P3H1: variants seen among roughly 807,000 people sequenced by gnomAD.
P3H1 encodes the protein prolyl 3-hydroxylase 1.
Under a neutral mutation model 84.0 loss-of-function variants are expected in P3H1, and 69 were observed. That is an observed-to-expected ratio of 0.82 (90% CI 0.68 to 1.00). The LOEUF (loss-of-function observed/expected upper bound fraction) is 1.00, where lower values mean the gene tolerates loss of function less well. Among genes scored for constraint, P3H1 ranks in the 50% least tolerant of loss-of-function variants. The pLI is 0.00. For missense variants in P3H1, 878 were observed against 962.8 expected (o/e 0.91, Z 1.17); for synonymous variants, 366 against 388.8 (o/e 0.94, Z 0.69).
rs1363331766 is a variant in P3H1, at chr1:42,746,504, C to T, written c.*193G>A. 1.6e-6 allele frequency: 1 copy of T among 613,746 alleles called. No homozygotes were observed. Among genetic ancestry groups the T allele is most frequent in the Non-Finnish European group, 2.9e-6 (1 of 346,480 alleles). 38.0% of individuals were successfully genotyped at this position (613,746 alleles called of 1,614,324 possible). On this transcript the variant is annotated 3_prime_UTR_variant, in exon 15 of 15. Coordinates refer to ENST00000296388, the MANE Select transcript of P3H1 (RefSeq NM_022356.4). ...CTGTGTCCTGAGCCCTCAGCCAGAT[C>T]CAGGGGGTGCGGTGTCTGGTCATGT... is the stretch of plus-strand genomic sequence containing the variant.
chr1:42,763,639 T>G (rs1652835370), intron 1 of P3H1, among the ~76,000 whole-genome samples: 1 of 111,618 alleles, frequency 9.0e-6, no homozygotes, highest in African/African-American at 3.6e-5. Context: ...AGCACCATAC[T>G]CCAGCCTGGG....
At chr1:42,756,385 C>A (rs371204899) in intron 5 of P3H1, 1 of 154,258 alleles carries the variant, frequency 6.5e-6, no homozygotes, top group East Asian at 1.9e-4. Context: ...CACATGGACT[C>A]CCAGGCAAGG....
At position 42,750,243 on chromosome 1, in the gene P3H1, G is replaced by A; in HGVS notation, c.1663C>T (p.Leu555=). The A allele has an allele frequency of 6.2e-7, 1 of 1,613,876 alleles. No homozygotes were observed. Among genetic ancestry groups the A allele is most frequent in the South Asian group, 1.1e-5 (1 of 91,018 alleles). Residue 555 remains leucine, a synonymous_variant, in exon 11 of 15, where the codon CTG becomes TTG. Coordinates refer to ENST00000296388, the MANE Select transcript of P3H1 (RefSeq NM_022356.4). Reference sequence around the variant, plus strand: ...TAGGAAAAGTAGAGGGGCGTATCCAGGCGGAAGTAGGACTCCATGATGCGC... The same window carrying A: ...TAGGAAAAGTAGAGGGGCGTATCCAAGCGGAAGTAGGACTCCATGATGCGC... ...VRRIMESYFR[L]DTPLYFSYSH... is the part of the protein sequence containing the mutation.
chr1:42,752,021 C>A (rs1256035956), intron 10 of P3H1, among the ~76,000 whole-genome samples: 1 of 152,238 alleles, frequency 6.6e-6, no homozygotes. Context: ...ATCAGCCTTT[C>A]TAAAGAAAGC....
rs1208078488 is a variant in P3H1 at position 42,752,620 on chromosome 1, T to C, written c.1390A>G (p.Lys464Glu). The stretch of plus-strand genomic sequence containing the variant: ...ACCCGCTGGGAACCATTCAGGAGTT[T>C]GGAGTTCATGGTGAGACTGATGCCT... ...YEGISLTMNSKLLNGSQRVVM... is the reference protein window; with the variant it reads ...YEGISLTMNSELLNGSQRVVM... Residue 464 changes from lysine to glutamate, a missense_variant, in exon 9 of 15, where the codon AAA (lysine) becomes GAA (glutamate). Transcript: ENST00000296388. The C allele has an allele frequency of 6.2e-7, 1 of 1,614,228 alleles. No homozygotes were observed.
chr1:42,750,484 CT>C, intron 10 of P3H1, 148 bp from the exon 11 acceptor site: 2 of 840,640 alleles, frequency 2.4e-6, no homozygotes, highest in South Asian at 2.9e-5. Flanking sequence ...GGGGGTGGAT[CT>C]TTCCCGTGCT....
rs1346045940 is a variant in P3H1, at chr1:42,746,374, TA to T, written c.*322del. The T allele has an allele frequency of 3.9e-5, 12 of 304,030 alleles. No homozygotes were observed. The highest frequency in any genetic ancestry group is 2.0e-4 in the East Asian group (3 of 15,194). The allele number at this position is 304,030 out of a possible 1,614,324, so 18.8% of individuals were successfully genotyped here. On this transcript the variant is annotated 3_prime_UTR_variant, in exon 15 of 15. Transcript: ENST00000296388. ...ATTTCCATTGTCTGAACAAACCAAGTAAAAAAAACCATGAATCATTTATTCT... is the reference window on the plus strand; with the variant it reads ...ATTTCCATTGTCTGAACAAACCAAGTAAAAAAACCATGAATCATTTATTCT...
At position 42,750,267 on chromosome 1, in the gene P3H1, G is replaced by C; in HGVS notation, c.1639C>G (p.Arg547Gly). The change falls in exon 11 of 15, where the codon CGC becomes GGC. Residue 547 changes from arginine (R) to glycine (G), a missense_variant. Physicochemically the swap from Arg to Gly is moderately radical, Grantham distance 125 (BLOSUM62 -2). Transcript: ENST00000296388. ...LYYNVTEKVRRIMESYFRLDT... is the reference protein window; with the variant it reads ...LYYNVTEKVRGIMESYFRLDT... ...AGGCGGAAGTAGGACTCCATGATGC[G>C]CCGCACCTTCTCCGTCACGTTGTAG... 1 of 1,613,946 alleles carries C rather than the reference G, an allele frequency of 6.2e-7. No individual in the cohort carries two copies. The highest frequency in any genetic ancestry group is 8.5e-7 in the Non-Finnish European group (1 of 1,179,976).
chr1:42,748,096 C>T (rs1651832090), intron 12 of P3H1, 104 bp downstream of exon 12: 1 of 855,148 alleles, frequency 1.2e-6, no homozygotes, highest in Non-Finnish European at 1.9e-6. Context: ...ACAGCTAGCC[C>T]CAACCAGTGT....
chr1:42,750,209 A>G lies in P3H1; in HGVS notation c.1697T>C (p.Leu566Pro). Residue 566 changes from leucine to proline, a missense_variant, in exon 11 of 15, where the codon CTG becomes CCG. Leu to Pro is a moderately conservative substitution (Grantham distance 98). Coordinates refer to ENST00000296388, the MANE Select transcript of P3H1 (RefSeq NM_022356.4). ...ACCTTCGATGGCAGTGCGGCACACCAGATGAGAGTAGGAAAAGTAGAGGGG... is the reference window on the plus strand; with the variant it reads ...ACCTTCGATGGCAGTGCGGCACACCGGATGAGAGTAGGAAAAGTAGAGGGG... ...DTPLYFSYSHLVCRTAIEEVQ... is the reference protein window; with the variant it reads ...DTPLYFSYSHPVCRTAIEEVQ... 1.2e-6 allele frequency: 2 copies of G among 1,613,526 alleles called. No individual in the cohort carries two copies. Among genetic ancestry groups the G allele is most frequent in the Non-Finnish European group, 1.7e-6 (2 of 1,179,788 alleles).
In P3H1 at chr1:42,750,829, C is replaced by T. The variant is rs1334260608; in HGVS notation, c.1570-493G>A. 3.4e-5 allele frequency among the ~76,000 whole-genome samples: 5 copies of T among 145,678 alleles called. No homozygotes were observed. In the South Asian group the frequency reaches 6.8e-4, roughly 20 times the overall value. The stretch of plus-strand genomic sequence containing the variant: ...TCCGGGAGGGAGGTGGGGGGGTCAG[C>T]CCCCTGCCCGGCCAGCCGCCCTATC... On this transcript the variant is annotated intron_variant, in intron 10 of 14. Coordinates refer to ENST00000296388, the MANE Select transcript of P3H1 (RefSeq NM_022356.4).
intron 10 of P3H1, chr1:42,751,570 A>G (rs1259291455): frequency 1.4e-5 from 2 of 145,644 alleles, no homozygotes; most frequent in African/African-American, 2.6e-5. Flanking sequence ...ATCAATAAAA[A>G]AAAAATAAAT....
chr1:42,747,827 G>T, intron 12 of P3H1, 29 bp from the exon 13 acceptor site: 5 of 1,599,984 alleles, frequency 3.1e-6, no homozygotes, highest in Non-Finnish European at 4.3e-6. Context: ...TCTCATCATG[G>T]CCCTTCCCTG....
chr1:42,755,961 A>G (rs541250722), intron 5 of P3H1, among the ~76,000 whole-genome samples: 12 of 152,192 alleles, frequency 7.9e-5, no homozygotes, highest in African/African-American at 1.7e-4. Context: ...TATTCTTCAA[A>G]GAAGGAGAAT....
chr1:42,755,842 G>A (rs1652378402), intron 5 of P3H1, among the ~76,000 whole-genome samples: 1 of 152,104 alleles, frequency 6.6e-6, no homozygotes, highest in Non-Finnish European at 1.5e-5. Context: ...GTACCTCTGA[G>A]GTACTGGAAT....
chr1:42,762,384 T>A lies in P3H1; in HGVS notation c.557A>T (p.Tyr186Phe). Reference protein sequence around the residue: ...HMEMQQNLDYYQTMSGVKEAD... With the variant: ...HMEMQQNLDYFQTMSGVKEAD... ...CTCCTTCACTCCAGACATGGTTTGG[T>A]AATAGTCTAGGTTCTGCTGCATTTC... Residue 186 changes from tyrosine (Y) to phenylalanine (F), a missense_variant, in exon 2 of 15, where the codon TAC (tyrosine) becomes TTC (phenylalanine). By Grantham distance (22) the Tyr-to-Phe change is conservative. Transcript: ENST00000296388. The A allele has an allele frequency of 6.2e-7, 1 of 1,614,126 alleles. No homozygotes were observed. The highest frequency in any genetic ancestry group is 8.5e-7 in the Non-Finnish European group (1 of 1,179,996).
At chr1:42,764,091 T>C (rs1289267253) in intron 1 of P3H1, among the ~76,000 whole-genome samples, 4 of 150,982 alleles carry the variant, frequency 2.6e-5, no homozygotes, top group Admixed American at 6.6e-5. Context: ...GATCGCACCA[T>C]TGCACTCTAG....
At chr1:42,752,247 C>A in intron 10 of P3H1, 27 bp downstream of exon 10, 1 of 1,580,828 alleles carries the variant, frequency 6.3e-7, no homozygotes, top group Middle Eastern at 1.7e-4. Flanking sequence ...TTTCTCCACA[C>A]TCTAGAATGC....
Position 42,759,356 on chromosome 1 carries a change from T to C in P3H1, c.653A>G (p.Glu218Gly). ...GGGCACAGCTTCCTGTGGCTGTTCC[T>C]CTGAGTAGAGTCGCACTCCCAGTCG... Reference protein sequence around the residue: ...EFRLGVRLYSEEQPQEAVPHL... With the variant: ...EFRLGVRLYSGEQPQEAVPHL... The change falls in exon 3 of 15, where the codon GAG becomes GGG. Residue 218 changes from glutamate (E) to glycine (G), a missense_variant. Coordinates refer to ENST00000296388, the MANE Select transcript of P3H1 (RefSeq NM_022356.4). 1.2e-6 allele frequency: 2 copies of C among 1,614,144 alleles called. No homozygotes were observed. Among genetic ancestry groups the C allele is most frequent in the Non-Finnish European group, 1.7e-6 (2 of 1,180,030 alleles).
Sources: gnomAD v4.1 joint callset for allele counts (sites outside exome capture counted in the v4.1 genomes callset) on GRCh38, gnomAD v4.1.1 for gene constraint, MANE v1.5 for transcripts, NCBI Gene and HGNC (gene_info 2026-07-23, HGNC 2026-07-21) for gene names.